Variants in CD2AP observed in about 807,000 individuals in gnomAD.
CD2AP encodes the protein CD2-associated protein.
In CD2AP, 46 loss-of-function variants were observed where a neutral mutation model predicts 85.1. That is an observed-to-expected ratio of 0.54 (90% CI 0.43 to 0.69). The LOEUF is 0.69. Ranked by LOEUF, CD2AP falls within the 30% of genes least tolerant of loss-of-function variation. CD2AP has a pLI of 0.00. For missense variants in CD2AP, 769 were observed against 729.5 expected, an observed-to-expected ratio of 1.05 and a Z score of -0.62; for synonymous variants, 255 against 252.9, an observed-to-expected ratio of 1.01 and a Z score of -0.08.
chr6:47,510,794 G>A (rs1766291515), intron 2 of CD2AP, among the ~76,000 whole-genome samples: 1 of 152,066 alleles, frequency 6.6e-6, no homozygotes, highest in Non-Finnish European at 1.5e-5. Context: ...GATAGATGGG[G>A]CCGGGCGCGG....
intron 17 of CD2AP, among the ~76,000 whole-genome samples, chr6:47,613,766 C>T (rs1769507967): frequency 6.6e-6 from 1 of 152,188 alleles, no homozygotes. Flanking sequence ...GGATTGACTT[C>T]TCTCTAGTTA....
intron 2 of CD2AP, among the ~76,000 whole-genome samples, chr6:47,530,189 A>G (rs923891581): frequency 9.2e-5 from 14 of 152,220 alleles, no homozygotes; most frequent in Non-Finnish European, 1.6e-4. Flanking sequence ...TATCATGAAC[A>G]TTTTTTAAAA....
At chr6:47,555,748 CTG>C (rs1273105846) in intron 5 of CD2AP, among the ~76,000 whole-genome samples, 1 of 152,086 alleles carries the variant, frequency 6.6e-6, no homozygotes, top group Non-Finnish European at 1.5e-5. Flanking sequence ...TGGCAGAAAA[CTG>C]TGCCTTGGTT....
At chr6:47,500,839 C>T (rs546310081) in intron 1 of CD2AP, among the ~76,000 whole-genome samples, 1 of 152,018 alleles carries the variant, frequency 6.6e-6, no homozygotes, top group Admixed American at 6.6e-5. Flanking sequence ...CTCCGCCTCC[C>T]GGATTCACGC....
rs78821095 is a variant in CD2AP at position 47,510,577 on chromosome 6, A to G, written c.165+7137A>G. Among the ~76,000 whole-genome samples, 3 of 152,374 alleles carry G rather than the reference A, an allele frequency of 2.0e-5. No individual in the cohort carries two copies. In the East Asian group the frequency reaches 5.8e-4, roughly 29 times the overall value. ...AGAGCTGGAACAGTTTGAGCAGCAC[A>G]ATAATCTAGTATTTGATTTTTATGT... On this transcript the variant is annotated intron_variant, in intron 2 of 17. Transcript: ENST00000359314.
At chr6:47,519,601 A>AT (rs1432071368) in intron 2 of CD2AP, among the ~76,000 whole-genome samples, 3 of 152,130 alleles carry the variant, frequency 2.0e-5, no homozygotes, top group Non-Finnish European at 2.9e-5. Flanking sequence ...ACCTGTTAGG[A>AT]TTGTTTGGTA....
intron 11 of CD2AP, among the ~76,000 whole-genome samples, chr6:47,583,650 TTA>T (rs1768540749): frequency 6.6e-6 from 1 of 152,234 alleles, no homozygotes. Flanking sequence ...ATTCCACAGT[TTA>T]TTAATCCACT....
chr6:47,559,166 T>A (rs1034553040), intron 5 of CD2AP, among the ~76,000 whole-genome samples: 26 of 152,122 alleles, frequency 1.7e-4, no homozygotes, highest in Non-Finnish European at 3.1e-4. Flanking sequence ...GGATCAGTGG[T>A]GATCTCCCCT....
At chr6:47,577,487 A>G (rs980430398) in intron 8 of CD2AP, among the ~76,000 whole-genome samples, 1 of 152,112 alleles carries the variant, frequency 6.6e-6, no homozygotes, top group Non-Finnish European at 1.5e-5. Flanking sequence ...AACAGAAGAA[A>G]AATAGGGAAA....
At chr6:47,544,868 G>A (rs1007993536) in intron 4 of CD2AP, 162 bp downstream of exon 4, 20 of 555,124 alleles carry the variant, frequency 3.6e-5, no homozygotes, top group African/African-American at 3.0e-4. Flanking sequence ...ATTTATATAT[G>A]TATTTGTATT....
In CD2AP at chr6:47,561,429, C is replaced by T. The variant is rs536568720; in HGVS notation, c.541+6663C>T. Among the ~76,000 whole-genome samples, 59 of 151,934 alleles carry T rather than the reference C, an allele frequency of 3.9e-4. No homozygotes were observed. The South Asian group carries it at 0.012, about 30-fold the overall frequency. ...AAGATATTCCAAGCTCATTTTGAAC[C>T]TTCCCTACCCTAGTCTTGGAATCAG... On this transcript the variant is annotated intron_variant, in intron 5 of 17. Coordinates refer to ENST00000359314, the MANE Select transcript of CD2AP (RefSeq NM_012120.3).
chr6:47,585,589 CAG>C (rs2114113888), intron 11 of CD2AP, among the ~76,000 whole-genome samples: 1 of 152,212 alleles, frequency 6.6e-6, no homozygotes, highest in African/African-American at 2.4e-5. Context: ...GTTGAGGATG[CAG>C]AGATAGGTAT....
At chr6:47,515,929 T>C (rs1766440700) in intron 2 of CD2AP, among the ~76,000 whole-genome samples, 1 of 152,034 alleles carries the variant, frequency 6.6e-6, no homozygotes, top group Non-Finnish European at 1.5e-5. Flanking sequence ...AAAGATGGAA[T>C]GCAAAATATG....
At chr6:47,619,885 T>C (rs2114163615) in intron 17 of CD2AP, among the ~76,000 whole-genome samples, 1 of 152,382 alleles carries the variant, frequency 6.6e-6, no homozygotes, top group Non-Finnish European at 1.5e-5. Context: ...GGATTGTCTA[T>C]TCATGAACTT....
chr6:47,605,641 G>A (rs1356227157), intron 13 of CD2AP, among the ~76,000 whole-genome samples: 1 of 151,818 alleles, frequency 6.6e-6, no homozygotes. Flanking sequence ...TACACATAAA[G>A]GTACATTAAA....
chr6:47,600,232 C>T (rs2114137933), intron 13 of CD2AP, among the ~76,000 whole-genome samples: 1 of 151,916 alleles, frequency 6.6e-6, no homozygotes, highest in South Asian at 2.1e-4. Context: ...GCTACAGACA[C>T]ATTAAATAAG....
chr6:47,503,479 A>G, intron 2 of CD2AP, 39 bp downstream of exon 2: 1 of 1,522,270 alleles, frequency 6.6e-7, no homozygotes, highest in Non-Finnish European at 9.1e-7. Context: ...CTTGCTTCAT[A>G]GGATTTAATC....
At chr6:47,618,041 G>A (rs111801622) in intron 17 of CD2AP, among the ~76,000 whole-genome samples, 55 of 152,172 alleles carry the variant, frequency 3.6e-4, no homozygotes, top group African/African-American at 1.2e-3. Flanking sequence ...TTTAGTGGCC[G>A]GGCACGGTGG....
chr6:47,479,481 A>T (rs550925871), intron 1 of CD2AP, among the ~76,000 whole-genome samples: 1 of 152,192 alleles, frequency 6.6e-6, no homozygotes, highest in East Asian at 1.9e-4. Context: ...CCCTCCTTTC[A>T]GGTAACTTTC....
Sources: allele counts gnomAD v4.1 joint callset (sites outside exome capture counted in the v4.1 genomes callset), GRCh38; gene constraint gnomAD v4.1.1; transcripts MANE v1.5; gene names NCBI Gene and HGNC (gene_info 2026-07-23, HGNC 2026-07-21).